Variants in DNAAF8 observed in about 807,000 individuals in gnomAD.
The protein encoded by DNAAF8 is dynein axonemal-associated protein 1.
In DNAAF8, 61 loss-of-function variants were observed where a neutral mutation model predicts 54.6. The ratio of observed to expected loss-of-function variants is 1.12; its 90% CI spans 0.91 to 1.38. The LOEUF (loss-of-function observed/expected upper bound fraction) is 1.38. Ranked by LOEUF, DNAAF8 falls within the 40% of genes most tolerant of loss-of-function variation. The pLI is 0.00. For missense variants in DNAAF8, 837 were observed against 665.0 expected, an observed-to-expected ratio of 1.26 and a Z score of -2.85; for synonymous variants, 320 against 270.1, an observed-to-expected ratio of 1.18 and a Z score of -1.81.
At chr16:4,739,787 G>A (rs2081940345) in intron 3 of DNAAF8, among the ~76,000 whole-genome samples, 1 of 151,918 alleles carries the variant, frequency 6.6e-6, no homozygotes, top group South Asian at 2.1e-4. Context: ...GCTTGTGCCT[G>A]TAATCCCACC....
At chr16:4,735,801 A>G (rs1232824860) in intron 1 of DNAAF8, among the ~76,000 whole-genome samples, 1 of 152,138 alleles carries the variant, frequency 6.6e-6, no homozygotes, top group Non-Finnish European at 1.5e-5. Context: ...ACAAAAAATA[A>G]AAATGTTAGC....
At position 4,739,265 on chromosome 16, in the gene DNAAF8, G is replaced by GTTTTTTTTTTTTTTTTTTTTTTTTTTT. The variant is rs35113323; in HGVS notation, c.277-867_277-866insTTTTTTTTTTTTTTTTTTTTTTTTTTT. On this transcript the variant is annotated intron_variant, in intron 3 of 9. Transcript: ENST00000299320. ...AAACTCTTCTGGATGATTTTTTCTTGTTTTTTTTTTTTTTTTTTTTTGTAA... is the reference window on the plus strand; with the variant it reads ...AAACTCTTCTGGATGATTTTTTCTTGTTTTTTTTTTTTTTTTTTTTTTTTTTTTTTTTTTTTTTTTTTTTTTTTGTAA... Among the ~76,000 whole-genome samples, 29 of 69,042 alleles carry GTTTTTTTTTTTTTTTTTTTTTTTTTTT rather than the reference G, an allele frequency of 4.2e-4. 7 individuals carry two copies. The highest frequency in any genetic ancestry group is 1.1e-3 in the East Asian group (2 of 1,780). The allele number at this position is 69,042 out of a possible 152,430, so 45.3% of individuals were successfully genotyped here. A position where few individuals can be genotyped will look rare whatever the true frequency, so the allele number is the denominator to read the frequency against.
Position 4,746,350 on chromosome 16 carries a change from A to AC in DNAAF8, c.1044-24dup, listed in dbSNP as rs772597722. 15 of 1,603,140 alleles carry AC rather than the reference A, an allele frequency of 9.4e-6. No individual in the cohort carries two copies. The Admixed American group carries it at 2.6e-4, about 28-fold the overall frequency. ...AGAGTTATCACAGAGAACTGACTCCACAACACCTGCTTTTCTCATTTCAGA... is the reference window on the plus strand; with the variant it reads ...AGAGTTATCACAGAGAACTGACTCCACCAACACCTGCTTTTCTCATTTCAGA... On this transcript the variant is annotated intron_variant, in intron 6 of 9. Coordinates refer to ENST00000299320, the MANE Select transcript of DNAAF8 (RefSeq NM_139170.3).
rs751676512 is a variant in DNAAF8 at position 4,740,533 on chromosome 16, C to T, written c.657C>T (p.Ala219=). 1.9e-6 allele frequency: 3 copies of T among 1,614,052 alleles called. No homozygotes were observed. Among genetic ancestry groups the T allele is most frequent in the Non-Finnish European group, 2.5e-6 (3 of 1,180,016 alleles). The change falls in exon 4 of 10, where the codon GCC becomes GCT. Residue 219 remains alanine (A), a synonymous_variant. Transcript: ENST00000299320. ...TDILQKVTRD[A]CGPTSSDKGG... ...TCCTCCAGAAAGTCACCCGGGATGC[C>T]TGCGGCCCGACCAGCAGTGACAAAG...
chr16:4,741,713 C>T (rs143287727), intron 4 of DNAAF8, among the ~76,000 whole-genome samples: 2,935 of 152,044 alleles, frequency 0.019, 45 homozygotes, highest in Non-Finnish European at 0.031. Flanking sequence ...GCAGGAGAAT[C>T]GCTTGAACCC....
At chr16:4,743,285 G>A in intron 5 of DNAAF8, 125 bp downstream of exon 5, 1 of 649,846 alleles carries the variant, frequency 1.5e-6, no homozygotes, top group East Asian at 3.0e-5. Context: ...CTTCCCTGCT[G>A]GCCCCGCCCT....
chr16:4,743,466 T>G, intron 5 of DNAAF8: 1 of 226,778 alleles, frequency 4.4e-6, no homozygotes, highest in South Asian at 1.0e-4. Flanking sequence ...CTGCCTTCCT[T>G]CTCCCTCCTC....
At position 4,738,054 on chromosome 16, in the gene DNAAF8, CT is replaced by C. The variant is rs147797345; in HGVS notation, c.276+118del. 8.3e-3 allele frequency: 9,763 copies of C among 1,172,430 alleles called. 9 individuals are homozygous for C. Among genetic ancestry groups the C allele is most frequent in the South Asian group, 0.014 (708 of 52,322 alleles). 72.6% of individuals were successfully genotyped at this position (1,172,430 alleles called of 1,614,324 possible). A position where few individuals can be genotyped will look rare whatever the true frequency, so the allele number is the denominator to read the frequency against. On this transcript the variant is annotated intron_variant, in intron 3 of 9. Transcript: ENST00000299320. Reference sequence around the variant, plus strand: ...TTCCACGATATGCTAGAACATGGTCCTTTTTTTTTTCCCCCATGTACAACCC... The same window carrying C: ...TTCCACGATATGCTAGAACATGGTCCTTTTTTTTTCCCCCATGTACAACCC...
intron 3 of DNAAF8, among the ~76,000 whole-genome samples, chr16:4,739,265 G>GTTTTTTTTGTTTTTTTTTT (rs2081931735): frequency 1.4e-5 from 1 of 69,030 alleles, no homozygotes; most frequent in Admixed American, 2.3e-4. Flanking sequence ...ATTTTTTCTT[G>GTTTTTTTTGTTTTTTTTTT]TTTTTTTTTT....
At chr16:4,745,655 A>G (rs763604064) in intron 6 of DNAAF8, among the ~76,000 whole-genome samples, 6 of 152,170 alleles carry the variant, frequency 3.9e-5, no homozygotes, top group Non-Finnish European at 8.8e-5. Context: ...TACCTAACAG[A>G]AGTGGCTACA....
chr16:4,738,345 C>G (rs919171097), intron 3 of DNAAF8, among the ~76,000 whole-genome samples: 3 of 152,214 alleles, frequency 2.0e-5, no homozygotes, highest in African/African-American at 7.2e-5. Context: ...TACACAGGAA[C>G]TCTGGTTTAC....
In DNAAF8 at chr16:4,741,249, GA is replaced by G. The variant is rs1567500040; in HGVS notation, c.783+593del. ...ACTCCATCTCAAAAAAAAAAAAAAAGAAAGAAAGAAAGAAACAAAGAAAGAA... is the reference window on the plus strand; with the variant it reads ...ACTCCATCTCAAAAAAAAAAAAAAAGAAGAAAGAAAGAAACAAAGAAAGAA... On this transcript the variant is annotated intron_variant, in intron 4 of 9. Coordinates refer to ENST00000299320, the MANE Select transcript of DNAAF8 (RefSeq NM_139170.3). Among the ~76,000 whole-genome samples, 25 of 52,234 alleles carry G rather than the reference GA, an allele frequency of 4.8e-4. No homozygotes were observed. The East Asian group carries it at 0.013, about 27-fold the overall frequency. The allele number at this position is 52,234 out of a possible 152,430, so 34.3% of individuals were successfully genotyped here. A position where few individuals can be genotyped will look rare whatever the true frequency, so the allele number is the denominator to read the frequency against.
At chr16:4,742,005 A>G (rs1338069180) in intron 4 of DNAAF8, among the ~76,000 whole-genome samples, 1 of 152,178 alleles carries the variant, frequency 6.6e-6, no homozygotes, top group Non-Finnish European at 1.5e-5. Context: ...TGTTTAAATC[A>G]ACCGTTCTTT....
At position 4,740,150 on chromosome 16, in the gene DNAAF8, C is replaced by G. The variant is rs374310136; in HGVS notation, c.277-3C>G. 1 of 1,588,530 alleles carries G rather than the reference C, an allele frequency of 6.3e-7. No individual in the cohort carries two copies. Among genetic ancestry groups the G allele is most frequent in the East Asian group, 2.3e-5 (1 of 44,430 alleles). On this transcript the variant is annotated splice_region_variant and splice_polypyrimidine_tract_variant and intron_variant, in intron 3 of 9. Transcript: ENST00000299320. The stretch of plus-strand genomic sequence containing the variant: ...TAACTGAACATACCTGTTTTCTTGA[C>G]AGCCAGTTCTGGTGCCTGCAGAATT...
At chr16:4,744,762 T>C (rs960910121) in intron 5 of DNAAF8, 108 bp from the exon 6 acceptor site, 4 of 1,371,124 alleles carry the variant, frequency 2.9e-6, no homozygotes, top group Non-Finnish European at 4.0e-6. Flanking sequence ...TGGAGGAGCC[T>C]GAGGTCCATT....
At chr16:4,745,966 A>AAG (rs1567506056) in intron 6 of DNAAF8, among the ~76,000 whole-genome samples, 1 of 151,598 alleles carries the variant, frequency 6.6e-6, no homozygotes. Flanking sequence ...AAAAAAAAAA[A>AAG]AAAGAAAAAG....
Position 4,743,607 on chromosome 16 carries a change from T to G in DNAAF8, c.901+447T>G, listed in dbSNP as rs190790932. ...ACCACTGTCACTACACTCATGGCTTTGCTCTGGGAAGTCCTGCAAATAAAA... is the reference window on the plus strand; with the variant it reads ...ACCACTGTCACTACACTCATGGCTTGGCTCTGGGAAGTCCTGCAAATAAAA... On this transcript the variant is annotated intron_variant, in intron 5 of 9. Transcript: ENST00000299320. The G allele has an allele frequency of 9.6e-3, 1,476 of 153,258 alleles. 32 individuals carry two copies. Among genetic ancestry groups the G allele is most frequent in the African/African-American group, 0.034 (1,396 of 41,582 alleles). 9.5% of individuals were successfully genotyped at this position (153,258 alleles called of 1,614,324 possible). A position where few individuals can be genotyped will look rare whatever the true frequency, so the allele number is the denominator to read the frequency against.
chr16:4,747,510 C>G lies in DNAAF8; in HGVS notation c.1448C>G (p.Ala483Gly), dbSNP rs2142215784. 1 of 1,613,254 alleles carries G rather than the reference C, an allele frequency of 6.2e-7. No homozygotes were observed. The highest frequency in any genetic ancestry group is 2.2e-5 in the East Asian group (1 of 44,886). Reference sequence around the variant, plus strand: ...AGGAAGCAACACATGAAGCTCTGTGCCAAGGGGCAGAGCGCCCAGGCTCGA... The same window carrying G: ...AGGAAGCAACACATGAAGCTCTGTGGCAAGGGGCAGAGCGCCCAGGCTCGA... ...TGRKQHMKLC[A>G]KGQSAQARLP... The change falls in exon 9 of 10, where the codon GCC becomes GGC. Residue 483 changes from alanine (A) to glycine (G), a missense_variant. Transcript: ENST00000299320.
At chr16:4,744,634 C>CTTCA (rs3085777) in intron 5 of DNAAF8, among the ~76,000 whole-genome samples, 90,614 of 151,432 alleles carry the variant, frequency 0.6, 27,598 homozygotes, top group East Asian at 0.68. Context: ...GTCACTCCTA[C>CTTCA]TTCACCAAGC....
Sources: allele counts gnomAD v4.1 joint callset (sites outside exome capture counted in the v4.1 genomes callset), GRCh38; gene constraint gnomAD v4.1.1; transcripts MANE v1.5; gene names NCBI Gene and HGNC (gene_info 2026-07-23, HGNC 2026-07-21).